CSMD1: variants seen among roughly 807,000 people sequenced by gnomAD.
CSMD1 encodes CUB and Sushi multiple domains 1, also known as CUB and sushi domain-containing protein 1.
In CSMD1, 213 loss-of-function variants were observed where a neutral mutation model predicts 417.5. That is an observed-to-expected ratio of 0.51 (90% CI 0.46 to 0.57). CSMD1 has a LOEUF of 0.57. Ranked by LOEUF, CSMD1 falls within the 20% of genes least tolerant of loss-of-function variation. CSMD1 has a pLI of 0.00. For synonymous variants in CSMD1, 2,862 were observed against 1,736.8 expected, an observed-to-expected ratio of 1.65 and a Z score of -16.11; for missense variants, 6,923 against 4,529.7, an observed-to-expected ratio of 1.53 and a Z score of -15.17.
At chr8:4,086,255 G>A (rs950871334) in intron 3 of CSMD1, among the ~76,000 whole-genome samples, 3 of 151,936 alleles carry the variant, frequency 2.0e-5, no homozygotes, top group Non-Finnish European at 4.4e-5. Context: ...GACAAATAAG[G>A]AAGACCTCCA....
intron 4 of CSMD1, among the ~76,000 whole-genome samples, chr8:4,012,564 C>A (rs1221744335): frequency 6.6e-6 from 1 of 152,092 alleles, no homozygotes; most frequent in Non-Finnish European, 1.5e-5. Context: ...AGTTATTCAA[C>A]CGTCACCACC....
At chr8:4,145,439 A>C (rs1408412717) in intron 3 of CSMD1, among the ~76,000 whole-genome samples, 1 of 151,222 alleles carries the variant, frequency 6.6e-6, no homozygotes, top group Non-Finnish European at 1.5e-5. Flanking sequence ...CTTAATCTAC[A>C]GGTTACTATA....
chr8:3,653,378 G>A (rs936983237), intron 7 of CSMD1, among the ~76,000 whole-genome samples: 5 of 151,972 alleles, frequency 3.3e-5, no homozygotes, highest in South Asian at 4.2e-4. Flanking sequence ...GCATGATCTC[G>A]GCTCATTGCA....
chr8:3,737,079 T>C (rs13250157), intron 6 of CSMD1, among the ~76,000 whole-genome samples: 51,966 of 152,160 alleles, frequency 0.34, 9,063 homozygotes, highest in Non-Finnish European at 0.38. Context: ...TCAGTGTTCA[T>C]TTATATTATA....
chr8:4,964,156 G>A (rs1809693438), intron 1 of CSMD1, among the ~76,000 whole-genome samples: 1 of 151,888 alleles, frequency 6.6e-6, no homozygotes, highest in South Asian at 2.1e-4. Context: ...AAAGACTTCA[G>A]GACCAAGGAG....
At chr8:3,860,895 A>G (rs1193251769) in intron 5 of CSMD1, among the ~76,000 whole-genome samples, 4 of 152,254 alleles carry the variant, frequency 2.6e-5, no homozygotes, top group Admixed American at 2.6e-4. Flanking sequence ...GGTTAGCACT[A>G]GAAATCTAGT....
chr8:4,473,566 T>G (rs1014843520), intron 2 of CSMD1, among the ~76,000 whole-genome samples: 11 of 152,178 alleles, frequency 7.2e-5, no homozygotes, highest in African/African-American at 2.7e-4. Flanking sequence ...CCTCTCCATA[T>G]CAATAGTAGT....
intron 5 of CSMD1, among the ~76,000 whole-genome samples, chr8:3,892,783 T>G (rs1284535960): frequency 1.3e-5 from 2 of 150,684 alleles, no homozygotes; most frequent in African/African-American, 4.9e-5. Flanking sequence ...GTAGGACAAT[T>G]TGGACAGTCT....
chr8:3,900,467 G>C (rs893638878), intron 5 of CSMD1, among the ~76,000 whole-genome samples: 1 of 151,348 alleles, frequency 6.6e-6, no homozygotes, highest in Non-Finnish European at 1.5e-5. Flanking sequence ...GTGCAGCTGG[G>C]TGACACTGTA....
intron 31 of CSMD1, among the ~76,000 whole-genome samples, chr8:3,203,295 C>T (rs1797086408): frequency 6.6e-6 from 1 of 152,166 alleles, no homozygotes; most frequent in Non-Finnish European, 1.5e-5. Flanking sequence ...CTTGAGGAAC[C>T]TCCTTCACCT....
At chr8:4,101,631 T>G (rs1801309991) in intron 3 of CSMD1, among the ~76,000 whole-genome samples, 1 of 152,220 alleles carries the variant, frequency 6.6e-6, no homozygotes, top group African/African-American at 2.4e-5. Context: ...TGAAGTACCT[T>G]GGCTCATTTT....
chr8:4,742,513 G>A (rs1361333105), intron 1 of CSMD1, among the ~76,000 whole-genome samples: 2 of 151,894 alleles, frequency 1.3e-5, no homozygotes. Context: ...CATGTACATA[G>A]AAAATATTTT....
intron 50 of CSMD1, among the ~76,000 whole-genome samples, chr8:3,049,370 T>C (rs994070710): frequency 2.0e-5 from 3 of 152,058 alleles, no homozygotes; most frequent in African/African-American, 7.2e-5. Flanking sequence ...TAAGCCATGG[T>C]CCATACAGAC....
chr8:3,639,184 T>C (rs1402433229), intron 7 of CSMD1, among the ~76,000 whole-genome samples: 2 of 152,192 alleles, frequency 1.3e-5, no homozygotes, highest in African/African-American at 4.8e-5. Flanking sequence ...GAGGACAGAG[T>C]AAGTCAGAAA....
chr8:3,827,595 A>G (rs1363804299), intron 5 of CSMD1, among the ~76,000 whole-genome samples: 2 of 152,234 alleles, frequency 1.3e-5, no homozygotes, highest in Admixed American at 1.3e-4. Flanking sequence ...AATTACATCA[A>G]TGAAATGAAC....
rs7841563 is a variant in CSMD1 at position 4,744,150 on chromosome 8, G to T, written c.86-106592C>A. On this transcript the variant is annotated intron_variant, in intron 1 of 69. Coordinates refer to ENST00000635120, the MANE Select transcript of CSMD1 (RefSeq NM_033225.6). Reference sequence around the variant, plus strand: ...TGCTCAGGGACGCCAATTTCTTTGGGTTCCCTATAAAGAGCGTCGCAGTCC... The same window carrying T: ...TGCTCAGGGACGCCAATTTCTTTGGTTTCCCTATAAAGAGCGTCGCAGTCC... 9.7e-3 allele frequency among the ~76,000 whole-genome samples: 1,475 copies of T among 152,266 alleles called. 21 individuals carry two copies. The highest frequency in any genetic ancestry group is 0.034 in the Middle Eastern group (10 of 294).
At chr8:4,925,741 G>C (rs1254863756) in intron 1 of CSMD1, among the ~76,000 whole-genome samples, 1 of 151,986 alleles carries the variant, frequency 6.6e-6, no homozygotes, top group Non-Finnish European at 1.5e-5. Context: ...TAGAGACGGG[G>C]TTTCACCGTG....
intron 2 of CSMD1, among the ~76,000 whole-genome samples, chr8:4,595,853 C>T (rs963196567): frequency 1.3e-5 from 2 of 152,218 alleles, no homozygotes; most frequent in Admixed American, 6.5e-5. Context: ...GACACGTCTA[C>T]ATGGATCTTC....
chr8:4,928,103 C>G (rs963182118), intron 1 of CSMD1, among the ~76,000 whole-genome samples: 3 of 152,130 alleles, frequency 2.0e-5, no homozygotes, highest in Non-Finnish European at 4.4e-5. Flanking sequence ...AGCCCTCATC[C>G]TCAGCCCACT....
Sources: allele counts gnomAD v4.1 joint callset (sites outside exome capture counted in the v4.1 genomes callset), GRCh38; gene constraint gnomAD v4.1.1; transcripts MANE v1.5; gene names NCBI Gene and HGNC (gene_info 2026-07-23, HGNC 2026-07-21).